The following PTPRN2 variants were observed in gnomAD, a reference collection of about 807,000 sequenced individuals.
PTPRN2 encodes the protein protein tyrosine phosphatase receptor type N2, also known as receptor-type tyrosine-protein phosphatase N2.
In PTPRN2, 74 loss-of-function variants were observed where a neutral mutation model predicts 118.8. The observed-to-expected ratio is 0.62, with a 90% CI of 0.52 to 0.76. The LOEUF (loss-of-function observed/expected upper bound fraction) is 0.76. Among genes scored for constraint, PTPRN2 ranks in the 30% least tolerant of loss-of-function variants. The pLI, the probability that PTPRN2 is intolerant of heterozygous loss-of-function variation, is 0.00. For missense variants in PTPRN2, 1,481 were observed against 1,394.4 expected, an observed-to-expected ratio of 1.06 and a Z score of -0.99; for synonymous variants, 641 against 608.0, an observed-to-expected ratio of 1.05 and a Z score of -0.80.
Position 158,326,949 on chromosome 7 carries a change from A to T in PTPRN2, c.164-10017T>A, listed in dbSNP as rs1045641328. Among the ~76,000 whole-genome samples, 51 of 151,460 alleles carry T rather than the reference A, an allele frequency of 3.4e-4. 1 individual carries two copies. Among genetic ancestry groups the T allele is most frequent in the African/African-American group, 1.2e-3 (48 of 41,190 alleles). ...CTCACATGCACACATACACATTTTC[A>T]CACATGCACACACGCACACATTCAC... On this transcript the variant is annotated intron_variant, in intron 2 of 22. Coordinates refer to ENST00000389418, the MANE Select transcript of PTPRN2 (RefSeq NM_002847.5).
At chr7:157,773,513 T>C (rs1803011300) in intron 12 of PTPRN2, among the ~76,000 whole-genome samples, 1 of 152,182 alleles carries the variant, frequency 6.6e-6, no homozygotes, top group African/African-American at 2.4e-5. Flanking sequence ...CGTGCTCAGT[T>C]TTCTCCATCA....
At chr7:157,602,464 G>T (rs981246541) in intron 16 of PTPRN2, among the ~76,000 whole-genome samples, 1 of 151,878 alleles carries the variant, frequency 6.6e-6, no homozygotes, top group Non-Finnish European at 1.5e-5. Context: ...CAGCAGAGCC[G>T]AGAGCTGAGC....
At position 157,676,800 on chromosome 7, in the gene PTPRN2, AG is replaced by A. The variant is rs1796688716; in HGVS notation, c.2001+5924del. 6.6e-6 allele frequency among the ~76,000 whole-genome samples: 1 copy of A among 152,196 alleles called. No homozygotes were observed. Among genetic ancestry groups the A allele is most frequent in the Non-Finnish European group, 1.5e-5 (1 of 68,024 alleles). ...CACGGGGTGGGTGACTGATGAGGAC[AG>A]GGGGTGCCTAGGAACAGGGGCTCGG... On this transcript the variant is annotated intron_variant, in intron 13 of 22. Transcript: ENST00000389418. This position sits in a 1 kb window ranked among gnomAD's most constrained non-coding sequence, Gnocchi z 5.6.
At chr7:157,879,637 T>C (rs1431425025) in intron 12 of PTPRN2, among the ~76,000 whole-genome samples, 2 of 152,072 alleles carry the variant, frequency 1.3e-5, no homozygotes, top group Non-Finnish European at 2.9e-5. Flanking sequence ...CTCCCTTGCA[T>C]TAAACTCTGA....
Position 158,039,776 on chromosome 7 carries a change from T to C in PTPRN2, c.1723+41522A>G, listed in dbSNP as rs146215223. Among the ~76,000 whole-genome samples, 649 of 152,166 alleles carry C rather than the reference T, an allele frequency of 4.3e-3. 8 individuals carry two copies. Among genetic ancestry groups the C allele is most frequent in the African/African-American group, 0.015 (626 of 41,522 alleles). On this transcript the variant is annotated intron_variant, in intron 11 of 22. Transcript: ENST00000389418. ...AAAAAAATCACAAAGAGAAAAAGAA[T>C]CAGACTCAGATATAGCAGAGATATT...
At chr7:158,156,883 G>A (rs574768088) in intron 6 of PTPRN2, among the ~76,000 whole-genome samples, 27 of 152,308 alleles carry the variant, frequency 1.8e-4, no homozygotes, top group Non-Finnish European at 3.1e-4. Context: ...CTTATACAGC[G>A]GAGAGCACCC....
intron 11 of PTPRN2, among the ~76,000 whole-genome samples, chr7:158,042,357 C>T (rs369301996): frequency 1.3e-5 from 2 of 152,064 alleles, no homozygotes; most frequent in African/African-American, 2.4e-5. Context: ...AATGGTGAGC[C>T]GCTTCGGAGC....
chr7:157,865,416 C>T (rs936147514), intron 12 of PTPRN2: 2 of 152,190 alleles, frequency 1.3e-5, no homozygotes, highest in African/African-American at 4.8e-5. Flanking sequence ...GTGGGTGACC[C>T]CACCTCACCT....
intron 10 of PTPRN2, among the ~76,000 whole-genome samples, chr7:158,098,212 A>T (rs1814808427): frequency 6.6e-6 from 1 of 152,150 alleles, no homozygotes. Flanking sequence ...AGGACTGGGG[A>T]CCTCGGAGAA....
chr7:157,812,102 G>A lies in PTPRN2; in HGVS notation c.1788+86571C>T, dbSNP rs558700053. 7.2e-5 allele frequency among the ~76,000 whole-genome samples: 11 copies of A among 152,318 alleles called. 1 individual carries two copies. The South Asian group carries it at 2.3e-3, about 32-fold the overall frequency. On this transcript the variant is annotated intron_variant, in intron 12 of 22. Coordinates refer to ENST00000389418, the MANE Select transcript of PTPRN2 (RefSeq NM_002847.5). Reference sequence around the variant, plus strand: ...TGGCCGGGCTCCCCTTATCAACCCGGCATCCCTCGACCATGTTCTCTGGTG... The same window carrying A: ...TGGCCGGGCTCCCCTTATCAACCCGACATCCCTCGACCATGTTCTCTGGTG...
At chr7:158,162,645 G>GCACGT (rs386411817) in intron 6 of PTPRN2, among the ~76,000 whole-genome samples, 304 of 152,276 alleles carry the variant, frequency 2.0e-3, no homozygotes, top group African/African-American at 7.0e-3. Flanking sequence ...ACCGGCCACT[G>GCACGT]CACGTCACCT....
At chr7:158,176,284 G>A (rs572319352) in intron 5 of PTPRN2, among the ~76,000 whole-genome samples, 7 of 152,222 alleles carry the variant, frequency 4.6e-5, no homozygotes, top group East Asian at 1.9e-4. Flanking sequence ...GACAGTCATC[G>A]CCACGGGGCT....
intron 4 of PTPRN2, among the ~76,000 whole-genome samples, chr7:158,193,186 C>A (rs1311130240): frequency 1.3e-5 from 2 of 152,190 alleles, no homozygotes; most frequent in Non-Finnish European, 2.9e-5. Context: ...GTGGTGCCCA[C>A]CCTGCTGAGG....
chr7:158,504,758 G>C (rs982336100), intron 1 of PTPRN2, among the ~76,000 whole-genome samples: 4 of 152,134 alleles, frequency 2.6e-5, no homozygotes, highest in Admixed American at 1.3e-4. Flanking sequence ...TTCTACACAT[G>C]CACATCATCT....
chr7:157,991,147 A>G (rs2128845039), intron 11 of PTPRN2, among the ~76,000 whole-genome samples: 1 of 152,286 alleles, frequency 6.6e-6, no homozygotes, highest in South Asian at 2.1e-4. Flanking sequence ...AGCTTCCCTG[A>G]GAGGCACCCA....
chr7:157,649,491 T>A (rs1231821815), intron 14 of PTPRN2, among the ~76,000 whole-genome samples: 14 of 144,744 alleles, frequency 9.7e-5, no homozygotes, highest in African/African-American at 3.0e-4. Context: ...GTCGGACCCA[T>A]CCACTGTGCA....
At chr7:158,434,921 G>A (rs62479983) in intron 2 of PTPRN2, among the ~76,000 whole-genome samples, 56,926 of 151,850 alleles carry the variant, frequency 0.37, 11,800 homozygotes, top group East Asian at 0.62. Context: ...AAATTGGACC[G>A]TTACCTTATA....
intron 2 of PTPRN2, among the ~76,000 whole-genome samples, chr7:158,332,647 A>C (rs1192657270): frequency 6.7e-6 from 1 of 149,568 alleles, no homozygotes; most frequent in Admixed American, 6.6e-5. Flanking sequence ...TGTCACCATA[A>C]GAGCTGATGC....
chr7:158,195,929 G>A (rs1035023089), intron 4 of PTPRN2, among the ~76,000 whole-genome samples: 3 of 152,076 alleles, frequency 2.0e-5, no homozygotes, highest in Non-Finnish European at 4.4e-5. Context: ...CTGGCATTCA[G>A]TTAAGTTCCT....
Sources: allele counts gnomAD v4.1 joint callset (sites outside exome capture counted in the v4.1 genomes callset), GRCh38; gene constraint gnomAD v4.1.1; non-coding constraint Gnocchi (gnomAD v3.1); transcripts MANE v1.5; gene names NCBI Gene and HGNC (gene_info 2026-07-23, HGNC 2026-07-21).